SYS1: variants seen among roughly 807,000 people sequenced by gnomAD.
SYS1 encodes the protein SYS1 golgi trafficking protein, also known as protein SYS1 homolog.
Under a neutral mutation model 17.8 loss-of-function variants are expected in SYS1, and 8 were observed. That is an observed-to-expected ratio of 0.45 (90% confidence interval 0.26 to 0.81). The LOEUF (loss-of-function observed/expected upper bound fraction) is 0.81. Among genes scored for constraint, SYS1 ranks in the 40% least tolerant of loss-of-function variants. The probability of loss-of-function intolerance (pLI) is 0.16; values close to 1 mark genes in which losing one functional copy is unlikely to be tolerated. For missense variants in SYS1, 161 were observed against 203.9 expected, an observed-to-expected ratio of 0.79 and a Z score of 1.28; for synonymous variants, 95 against 90.9, an observed-to-expected ratio of 1.05 and a Z score of -0.26.
exon 4 of SYS1, chr20:45,376,281 T>G (rs1988730872): frequency 6.6e-6 from 1 of 152,230 alleles, no homozygotes; most frequent in South Asian, 2.1e-4. Flanking sequence ...AAACCCCCAG[T>G]GGCAACACCA....
rs1053971243 is a variant in SYS1, at chr20:45,367,375, T to A, written c.*260T>A. On this transcript the variant is annotated 3_prime_UTR_variant, in exon 4 of 4. Coordinates refer to ENST00000243918, the MANE Select transcript of SYS1 (RefSeq NM_033542.4). ...GACCTCTTTGAGGGTAATAACAGAA[T>A]TGGAACCATGCCACTCTTGAGCCAC... 1 of 1,294,632 alleles carries A rather than the reference T, an allele frequency of 7.7e-7. No individual in the cohort carries two copies. Among genetic ancestry groups the A allele is most frequent in the African/African-American group, 1.5e-5 (1 of 66,710 alleles). The allele number at this position is 1,294,632 out of a possible 1,614,324, so 80.2% of individuals were successfully genotyped here.
exon 4 of SYS1, chr20:45,375,065 C>A: frequency 1.9e-6 from 3 of 1,614,018 alleles, no homozygotes; most frequent in Non-Finnish European, 2.5e-6. Context: ...ATAGGCATTT[C>A]AAGTGATGCG....
chr20:45,374,433 G>A (rs1988659413), exon 4 of SYS1: 1 of 569,752 alleles, frequency 1.8e-6, no homozygotes, highest in Non-Finnish European at 3.1e-6. Flanking sequence ...CACCACATCT[G>A]GCTAATTTTT....
At chr20:45,362,930 C>T (rs1378591003), upstream of SYS1, 1 of 174,400 alleles carries the variant, frequency 5.7e-6, no homozygotes, top group East Asian at 1.9e-4. Context: ...CCACTTGCCT[C>T]TCCCCTAGCC....
intron 3 of SYS1, chr20:45,374,219 G>A: frequency 1.5e-6 from 1 of 684,138 alleles, no homozygotes; most frequent in South Asian, 1.6e-5. Context: ...CGAAAGGGCT[G>A]CGGTATTTTC....
Position 45,368,955 on chromosome 20 carries a change from C to A in SYS1, c.*1840C>A. The stretch of plus-strand genomic sequence containing the variant: ...TTTTTCTGCATATCTTCTGTGATGA[C>A]AAATCTCTGTCCCCTGAGTGTTAAT... On this transcript the variant is annotated 3_prime_UTR_variant, in exon 4 of 4. Transcript: ENST00000243918. The A allele has an allele frequency of 5.8e-6, 5 of 860,916 alleles. No homozygotes were observed. Among genetic ancestry groups the A allele is most frequent in the Non-Finnish European group, 7.0e-6 (5 of 715,936 alleles). The allele number at this position is 860,916 out of a possible 1,614,324, so 53.3% of individuals were successfully genotyped here.
At chr20:45,365,571 C>T in intron 2 of SYS1, 48 bp from the exon 3 acceptor site, 1 of 1,589,378 alleles carries the variant, frequency 6.3e-7, no homozygotes, top group Non-Finnish European at 8.6e-7. Flanking sequence ...TCCTGGGGCT[C>T]TGCCAAGTCA....
chr20:45,373,514 G>T, downstream of SYS1: 1 of 251,274 alleles, frequency 4.0e-6, no homozygotes, highest in South Asian at 6.4e-5. Flanking sequence ...TCCCTTTCTT[G>T]GGAAAATGGA....
downstream of SYS1, among the ~76,000 whole-genome samples, chr20:45,370,992 A>G (rs764740392): frequency 1.3e-5 from 2 of 152,192 alleles, no homozygotes; most frequent in Non-Finnish European, 2.9e-5. Flanking sequence ...GGCAAGTCAC[A>G]GTCATAGGTC....
Position 45,367,122 on chromosome 20 carries a change from G to A in SYS1, c.*7G>A. ...CCCTAAATCCAATGTCTAGAATCAG[G>A]CCCTTTGGACATCCTGCTGACACTT... On this transcript the variant is annotated 3_prime_UTR_variant, in exon 4 of 4. Coordinates refer to ENST00000243918, the MANE Select transcript of SYS1 (RefSeq NM_033542.4). 3 of 1,613,934 alleles carry A rather than the reference G, an allele frequency of 1.9e-6. No individual in the cohort carries two copies. The highest frequency in any genetic ancestry group is 2.5e-6 in the Non-Finnish European group (3 of 1,179,858).
At chr20:45,374,923 A>AC (rs1450957725) in exon 4 of SYS1, 5 of 1,409,990 alleles carry the variant, frequency 3.5e-6, no homozygotes, top group Non-Finnish European at 4.8e-6. Flanking sequence ...TCCCAGCACT[A>AC]CCAGCCACAC....
chr20:45,363,503 C>T (rs774074636), intron 1 of SYS1, 26 bp from the exon 2 acceptor site: 3 of 1,570,780 alleles, frequency 1.9e-6, no homozygotes, highest in Non-Finnish European at 1.7e-6. Flanking sequence ...AGGCCGCTGG[C>T]TGAGGCCCGG....
rs1289239898 is a variant in SYS1, at chr20:45,367,292, C to G, written c.*177C>G. 2 of 1,431,770 alleles carry G rather than the reference C, an allele frequency of 1.4e-6. No homozygotes were observed. The highest frequency in any genetic ancestry group is 1.8e-6 in the Non-Finnish European group (2 of 1,095,898). The allele number at this position is 1,431,770 out of a possible 1,614,324, so 88.7% of individuals were successfully genotyped here. ...AGAAGGCAGGTAGCAGTCAGCATGA[C>G]AGCTGCAAGAATGACCTCTGTCTGT... On this transcript the variant is annotated 3_prime_UTR_variant, in exon 4 of 4. Coordinates refer to ENST00000243918, the MANE Select transcript of SYS1 (RefSeq NM_033542.4).
rs1988475828 is a variant in SYS1, at chr20:45,368,076, G to A, written c.*961G>A. 1 of 985,480 alleles carries A rather than the reference G, an allele frequency of 1.0e-6. No homozygotes were observed. Among genetic ancestry groups the A allele is most frequent in the Non-Finnish European group, 1.2e-6 (1 of 830,004 alleles). The allele number at this position is 985,480 out of a possible 1,614,324, so 61.0% of individuals were successfully genotyped here. A position where few individuals can be genotyped will look rare whatever the true frequency, so the allele number is the denominator to read the frequency against. On this transcript the variant is annotated 3_prime_UTR_variant, in exon 4 of 4. Coordinates refer to ENST00000243918, the MANE Select transcript of SYS1 (RefSeq NM_033542.4). ...GAGTTTCCTCTGTGAGGGGCTTGCA[G>A]CTATCCTTCCTGTGTATACAAATAC...
chr20:45,370,977 A>G (rs1426344843), downstream of SYS1, among the ~76,000 whole-genome samples: 1 of 152,166 alleles, frequency 6.6e-6, no homozygotes, highest in Non-Finnish European at 1.5e-5. Flanking sequence ...CCCTGCCGCT[A>G]CCTGGGCAAG....
downstream of SYS1, chr20:45,372,420 A>C (rs1252495039): frequency 6.6e-6 from 1 of 152,230 alleles, no homozygotes; most frequent in Non-Finnish European, 1.5e-5. Context: ...TCCAGCCTCC[A>C]CTTGGGGCTC....
chr20:45,369,109 A>C lies in SYS1; in HGVS notation c.*1994A>C, dbSNP rs1209330077. The C allele has an allele frequency of 6.4e-6, 1 of 155,856 alleles. No homozygotes were observed. 9.7% of individuals were successfully genotyped at this position (155,856 alleles called of 1,614,324 possible). On this transcript the variant is annotated 3_prime_UTR_variant, in exon 4 of 4. Transcript: ENST00000243918. ...TGAGATTTTTATGATTTCTAAAGTA[A>C]CAATAAAAGCAGTTTTTAGAGTTGA...
chr20:45,374,112 A>G, downstream of SYS1: 1 of 1,119,198 alleles, frequency 8.9e-7, no homozygotes, highest in Non-Finnish European at 1.3e-6. Flanking sequence ...GGTGTCTGGT[A>G]GGTTGGAAAT....
chr20:45,375,145 G>C, exon 4 of SYS1: 1 of 1,614,150 alleles, frequency 6.2e-7, no homozygotes, highest in Non-Finnish European at 8.5e-7. Context: ...CCTGGGCGCC[G>C]GGAGGTGGAT....
Sources: allele counts gnomAD v4.1 joint callset (sites outside exome capture counted in the v4.1 genomes callset), GRCh38; gene constraint gnomAD v4.1.1; transcripts MANE v1.5; gene names NCBI Gene and HGNC (gene_info 2026-07-23, HGNC 2026-07-21).